ENG: variants seen among roughly 807,000 people sequenced by gnomAD.
ENG encodes endoglin.
A neutral mutation model predicts 71.0 loss-of-function variants in ENG; 17 were observed. That is an observed-to-expected ratio of 0.24 (90% CI 0.16 to 0.36). The LOEUF is 0.36. Among genes scored for constraint, ENG ranks in the 10% least tolerant of loss-of-function variants. ENG has a pLI of 1.00. For synonymous variants in ENG, 360 were observed against 366.9 expected (o/e 0.98, Z 0.21); for missense variants, 749 against 868.3 (o/e 0.86, Z 1.73).
chr9:127,835,680 C>T (rs192572953), intron 2 of ENG, among the ~76,000 whole-genome samples: 41 of 152,244 alleles, frequency 2.7e-4, no homozygotes, highest in African/African-American at 9.1e-4. Flanking sequence ...CCGCCACTGT[C>T]CCTGTTCCTC....
intron 13 of ENG, 165 bp downstream of exon 13, chr9:127,816,980 TAGGC>T: frequency 2.6e-6 from 2 of 769,566 alleles, no homozygotes; most frequent in Non-Finnish European, 2.2e-6. Flanking sequence ...GCCCCTGCTC[TAGGC>T]TGCTATGGCT....
intron 2 of ENG, among the ~76,000 whole-genome samples, chr9:127,837,619 C>T (rs970799466): frequency 6.6e-6 from 1 of 152,184 alleles, no homozygotes; most frequent in Non-Finnish European, 1.5e-5. Flanking sequence ...ACCAACACCT[C>T]CGAACGACCA....
chr9:127,824,699 G>C (rs1302611846), intron 7 of ENG, 101 bp downstream of exon 7: 2 of 1,310,858 alleles, frequency 1.5e-6, no homozygotes, highest in African/African-American at 1.5e-5. Flanking sequence ...CAGAGAGGCT[G>C]ATGTACCTTG....
At position 127,825,802 on chromosome 9, in the gene ENG, G is replaced by A. The variant is rs140663846; in HGVS notation, c.582C>T (p.Leu194=). Residue 194 remains leucine, a synonymous_variant, in exon 5 of 15, where the codon CTC becomes CTT. Transcript: ENST00000373203. The part of the protein sequence containing the change: ...LEASQDMGRT[L]EWRPRTPALV... ...AGGCTGGAGTACGCGGCCGCCACTC[G>A]AGCGTGCGGCCCATGTCCTGGCTGG... 28 of 1,596,776 alleles carry A rather than the reference G, an allele frequency of 1.8e-5. No individual in the cohort carries two copies. In the East Asian group the frequency reaches 3.9e-4, roughly 22 times the overall value.
chr9:127,836,977 G>A lies in ENG; in HGVS notation c.219+6117C>T, dbSNP rs41500648. 3.5e-4 allele frequency among the ~76,000 whole-genome samples: 54 copies of A among 152,232 alleles called. No homozygotes were observed. Among genetic ancestry groups the A allele is most frequent in the African/African-American group, 1.2e-3 (49 of 41,532 alleles). ...TAATTTTTGTATTTTTAGTAGAGAC[G>A]GGGTTTCGCCCATGTCGGCCAGGCT... On this transcript the variant is annotated intron_variant, in intron 2 of 14. Transcript: ENST00000373203. The surrounding 1 kb of genome is among the most constrained non-coding windows in gnomAD (Gnocchi z 4.0).
intron 2 of ENG, among the ~76,000 whole-genome samples, chr9:127,840,536 A>G (rs913297761): frequency 6.6e-6 from 1 of 152,128 alleles, no homozygotes; most frequent in Non-Finnish European, 1.5e-5. Flanking sequence ...AAAACAAACA[A>G]ACAGAGTGAT....
At position 127,816,125 on chromosome 9, in the gene ENG, A is replaced by G. The variant is rs10760503; in HGVS notation, c.1742-72T>C. On this transcript the variant is annotated intron_variant, in intron 13 of 14. Transcript: ENST00000373203. ...ATCCCCTACCCTGTTGTGCTGGCCC[A>G]TGTGGGCTTTGGTGCCAGCTCTGCT... is the stretch of plus-strand genomic sequence containing the variant. The G allele has an allele frequency of 0.45, 691,009 of 1,549,808 alleles. 156,300 individuals carry two copies. The highest frequency in any genetic ancestry group is 0.69 in the East Asian group (29,090 of 42,268).
chr9:127,840,401 G>T (rs767710696), intron 2 of ENG, among the ~76,000 whole-genome samples: 26 of 152,186 alleles, frequency 1.7e-4, no homozygotes, highest in Non-Finnish European at 2.8e-4. Flanking sequence ...TTCAAAACTA[G>T]CCTCTCCAAC....
intron 13 of ENG, chr9:127,816,575 T>G: frequency 4.1e-6 from 1 of 246,546 alleles, no homozygotes. Context: ...TCCGATTCTG[T>G]GTCATGGGGT....
chr9:127,826,495 G>A lies in ENG; in HGVS notation c.523+15C>T. The A allele has an allele frequency of 6.2e-7, 1 of 1,613,976 alleles. No individual in the cohort carries two copies. Among genetic ancestry groups the A allele is most frequent in the South Asian group, 1.1e-5 (1 of 91,078 alleles). Reference sequence around the variant, plus strand: ...GCAGTATCATGAGCCCAGAGAGGTTGCTGGGGAAACTGACCTTGGCCCAGT... The same window carrying A: ...GCAGTATCATGAGCCCAGAGAGGTTACTGGGGAAACTGACCTTGGCCCAGT... On this transcript the variant is annotated intron_variant, in intron 4 of 14. Coordinates refer to ENST00000373203, the MANE Select transcript of ENG (RefSeq NM_001114753.3).
At chr9:127,822,529 T>G (rs1304136602) in intron 8 of ENG, 5 of 152,260 alleles carry the variant, frequency 3.3e-5, no homozygotes, top group African/African-American at 1.2e-4. Context: ...TGACATTTTT[T>G]GCATATTTAT....
chr9:127,815,541 A>T lies in ENG; in HGVS notation c.*141T>A. The T allele has an allele frequency of 7.0e-7, 1 of 1,420,078 alleles. No homozygotes were observed. Among genetic ancestry groups the T allele is most frequent in the East Asian group, 2.5e-5 (1 of 39,986 alleles). The allele number at this position is 1,420,078 out of a possible 1,614,324, so 88.0% of individuals were successfully genotyped here. A position where few individuals can be genotyped will look rare whatever the true frequency, so the allele number is the denominator to read the frequency against. On this transcript the variant is annotated 3_prime_UTR_variant, in exon 15 of 15. Coordinates refer to ENST00000373203, the MANE Select transcript of ENG (RefSeq NM_001114753.3). ...GCTGCACTGGCAGCAGGCCTCTGAG[A>T]GGGAGGCGGGAAGGGTAGGCGCGGA...
intron 3 of ENG, among the ~76,000 whole-genome samples, chr9:127,828,885 TCTCCC>T (rs1365646978): frequency 6.6e-6 from 1 of 152,034 alleles, no homozygotes; most frequent in East Asian, 1.9e-4. Flanking sequence ...TCCCCCGGGC[TCTCCC>T]CTTCCTACCC....
intron 2 of ENG, among the ~76,000 whole-genome samples, chr9:127,830,646 T>C (rs1485362242): frequency 6.8e-6 from 1 of 147,944 alleles, no homozygotes; most frequent in Non-Finnish European, 1.5e-5. Flanking sequence ...ACGCTCCGTC[T>C]CAAAAAAAAA....
chr9:127,847,788 T>C (rs1831204986), intron 1 of ENG, among the ~76,000 whole-genome samples: 1 of 152,132 alleles, frequency 6.6e-6, no homozygotes, highest in Non-Finnish European at 1.5e-5. Flanking sequence ...GGCCACTCTT[T>C]ACCCTTTTCA....
chr9:127,815,415 A>G lies in ENG; in HGVS notation c.*267T>C, dbSNP rs1164635372. On this transcript the variant is annotated 3_prime_UTR_variant, in exon 15 of 15. Coordinates refer to ENST00000373203, the MANE Select transcript of ENG (RefSeq NM_001114753.3). ...AATGACAGGGACTTGGGTTTTTACA[A>G]CAGCGTGGCAAGTGGTCTGTCTCCT... The G allele has an allele frequency of 3.7e-6, 2 of 543,110 alleles. No homozygotes were observed. The highest frequency in any genetic ancestry group is 3.8e-5 in the African/African-American group (2 of 52,734). 33.6% of individuals were successfully genotyped at this position (543,110 alleles called of 1,614,324 possible). A position where few individuals can be genotyped will look rare whatever the true frequency, so the allele number is the denominator to read the frequency against.
intron 2 of ENG, among the ~76,000 whole-genome samples, chr9:127,837,033 C>A (rs547990054): frequency 8.5e-5 from 13 of 152,266 alleles, no homozygotes; most frequent in African/African-American, 2.6e-4. Flanking sequence ...AATGATCCAC[C>A]CACTTCGGCC....
intron 2 of ENG, among the ~76,000 whole-genome samples, chr9:127,839,911 G>A (rs968782506): frequency 1.3e-5 from 2 of 152,116 alleles, no homozygotes; most frequent in African/African-American, 4.8e-5. Flanking sequence ...CAACTGATAC[G>A]AAGACATTCT....
chr9:127,818,435 T>G, intron 11 of ENG, 58 bp from the exon 12 acceptor site: 1 of 1,603,096 alleles, frequency 6.2e-7, no homozygotes, highest in South Asian at 1.1e-5. Context: ...CCACCCCACC[T>G]GCTGCCTTCA....
Sources: gnomAD v4.1 joint callset for allele counts (sites outside exome capture counted in the v4.1 genomes callset) on GRCh38, gnomAD v4.1.1 for gene constraint, Gnocchi (gnomAD v3.1) non-coding constraint, MANE v1.5 for transcripts, NCBI Gene and HGNC (gene_info 2026-07-23, HGNC 2026-07-21) for gene names.